Variants in RAPGEF4 observed in about 807,000 individuals in gnomAD.
RAPGEF4 encodes the protein RAP guanine-nucleotide-exchange factor (GEF) 4.
A neutral mutation model predicts 147.9 loss-of-function variants in RAPGEF4; 66 were observed. That is an observed-to-expected ratio of 0.45 (90% confidence interval 0.37 to 0.55). The LOEUF (loss-of-function observed/expected upper bound fraction) is 0.55. Ranked by LOEUF, RAPGEF4 falls within the 20% of genes least tolerant of loss-of-function variation. The probability of loss-of-function intolerance (pLI) is 0.00; values close to 1 mark genes in which losing one functional copy is unlikely to be tolerated. For synonymous variants in RAPGEF4, 419 were observed against 442.7 expected, an observed-to-expected ratio of 0.95 and a Z score of 0.67; for missense variants, 1,071 against 1,257.3, an observed-to-expected ratio of 0.85 and a Z score of 2.24.
intron 4 of RAPGEF4, among the ~76,000 whole-genome samples, chr2:172,842,208 A>G (rs908822973): frequency 6.6e-6 from 1 of 152,184 alleles, no homozygotes; most frequent in African/African-American, 2.4e-5. Flanking sequence ...TATGCATTCA[A>G]TGGCAGGTCT....
intron 1 of RAPGEF4, among the ~76,000 whole-genome samples, chr2:172,788,483 G>A (rs12474179): frequency 4.6e-5 from 7 of 152,158 alleles, no homozygotes; most frequent in Admixed American, 3.3e-4. Context: ...AAATTATGAT[G>A]AACTTAGCTG....
chr2:172,834,830 G>C (rs1690746355), intron 4 of RAPGEF4, among the ~76,000 whole-genome samples: 1 of 152,154 alleles, frequency 6.6e-6, no homozygotes. Context: ...CATCGAAATA[G>C]TCTTGAAAGA....
intron 3 of RAPGEF4, among the ~76,000 whole-genome samples, chr2:172,801,997 G>T (rs1273656166): frequency 6.6e-6 from 1 of 152,204 alleles, no homozygotes; most frequent in East Asian, 1.9e-4. Context: ...GGATTAGAGG[G>T]TGGGGTAGAT....
intron 8 of RAPGEF4, among the ~76,000 whole-genome samples, chr2:172,963,983 TG>T (rs1250130594): frequency 6.6e-6 from 1 of 152,228 alleles, no homozygotes; most frequent in African/African-American, 2.4e-5. Flanking sequence ...TTAAACCCTT[TG>T]TAAGGACTCA....
At chr2:172,836,934 G>T (rs374809449) in intron 4 of RAPGEF4, among the ~76,000 whole-genome samples, 2 of 152,212 alleles carry the variant, frequency 1.3e-5, no homozygotes, top group African/African-American at 4.8e-5. Context: ...AGAGATTTGT[G>T]AAGTGTTTGA....
At chr2:172,937,060 A>AAAAAAT (rs1686660410) in intron 6 of RAPGEF4, among the ~76,000 whole-genome samples, 1 of 149,452 alleles carries the variant, frequency 6.7e-6, no homozygotes, top group Non-Finnish European at 1.5e-5. Context: ...AAAAAAAAAA[A>AAAAAAT]GTCTTTTTTA....
At chr2:172,908,637 T>C (rs568098178) in intron 4 of RAPGEF4, among the ~76,000 whole-genome samples, 1 of 152,314 alleles carries the variant, frequency 6.6e-6, no homozygotes, top group African/African-American at 2.4e-5. Context: ...TAAACTCTTA[T>C]TTTTTAGGAT....
chr2:172,884,449 A>T (rs1332056874), intron 4 of RAPGEF4, among the ~76,000 whole-genome samples: 1 of 152,212 alleles, frequency 6.6e-6, no homozygotes. Flanking sequence ...ATTTGCCAGA[A>T]GATTCAGTTT....
intron 4 of RAPGEF4, among the ~76,000 whole-genome samples, chr2:172,905,363 T>TGGAGACCA (rs1699520324): frequency 6.6e-6 from 1 of 152,188 alleles, no homozygotes; most frequent in African/African-American, 2.4e-5. Flanking sequence ...CAGTCAATAT[T>TGGAGACCA]TGTTGACTGA....
In RAPGEF4 at chr2:173,036,063, AG is replaced by A. The variant is rs147786097; in HGVS notation, c.2701-60del. ...TGGGGTGAAAGGCAGGTGTATTAGG[AG>A]GTAACAAAGGGTGGTGTATCTGTCA... On this transcript the variant is annotated intron_variant, in intron 27 of 30. Coordinates refer to ENST00000397081, the MANE Select transcript of RAPGEF4 (RefSeq NM_007023.4). 3,445 of 1,206,180 alleles carry A rather than the reference AG, an allele frequency of 2.9e-3. 49 individuals carry two copies. The African/African-American group carries it at 0.041, about 14-fold the overall frequency. The allele number at this position is 1,206,180 out of a possible 1,614,324, so 74.7% of individuals were successfully genotyped here. A position where few individuals can be genotyped will look rare whatever the true frequency, so the allele number is the denominator to read the frequency against.
intron 6 of RAPGEF4, among the ~76,000 whole-genome samples, chr2:172,932,359 A>G (rs1686082422): frequency 6.6e-6 from 1 of 152,192 alleles, no homozygotes; most frequent in Admixed American, 6.5e-5. Context: ...CATACAGAAC[A>G]ATTGAGTTCC....
chr2:172,787,094 C>A (rs1427663320), intron 1 of RAPGEF4, among the ~76,000 whole-genome samples: 1 of 152,066 alleles, frequency 6.6e-6, no homozygotes, highest in Non-Finnish European at 1.5e-5. Context: ...CACCTGTAAT[C>A]CCAGCTACTT....
chr2:172,987,699 C>G (rs924924241), intron 12 of RAPGEF4, among the ~76,000 whole-genome samples: 1 of 152,226 alleles, frequency 6.6e-6, no homozygotes, highest in Admixed American at 6.5e-5. Flanking sequence ...TATGCAAATA[C>G]ACCACTTTAT....
intron 1 of RAPGEF4, among the ~76,000 whole-genome samples, chr2:172,743,653 G>A (rs1349886703): frequency 6.6e-6 from 1 of 152,164 alleles, no homozygotes; most frequent in African/African-American, 2.4e-5. Flanking sequence ...CTTCCTTCAG[G>A]TGAGGTGTCC....
At chr2:172,744,541 G>A in intron 1 of RAPGEF4, 1 of 357,544 alleles carries the variant, frequency 2.8e-6, no homozygotes, top group South Asian at 2.2e-5. Context: ...TTTTATTGAT[G>A]GTGTAATTTT....
Position 173,052,275 on chromosome 2 carries a change from C to G in RAPGEF4, c.*508C>G, listed in dbSNP as rs946793219. 6.5e-6 allele frequency: 1 copy of G among 152,926 alleles called. No individual in the cohort carries two copies. Among genetic ancestry groups the G allele is most frequent in the Non-Finnish European group, 1.5e-5 (1 of 68,264 alleles). The allele number at this position is 152,926 out of a possible 1,614,324, so 9.5% of individuals were successfully genotyped here. A position where few individuals can be genotyped will look rare whatever the true frequency, so the allele number is the denominator to read the frequency against. The stretch of plus-strand genomic sequence containing the variant: ...GTATTCTTCCATCTTCATTGTCTTA[C>G]CTCTGAAGGAATAGAACCTGACCAC... On this transcript the variant is annotated 3_prime_UTR_variant, in exon 31 of 31. Transcript: ENST00000397081.
At chr2:172,834,569 A>C (rs1574985950) in intron 4 of RAPGEF4, among the ~76,000 whole-genome samples, 1 of 152,174 alleles carries the variant, frequency 6.6e-6, no homozygotes. Flanking sequence ...TTGTAAATAA[A>C]TTTGTTTATT....
intron 1 of RAPGEF4, among the ~76,000 whole-genome samples, chr2:172,753,742 C>G (rs1453334778): frequency 6.6e-6 from 1 of 151,826 alleles, no homozygotes; most frequent in Non-Finnish European, 1.5e-5. Context: ...AGATGCTAAA[C>G]CAGATATCTG....
intron 3 of RAPGEF4, among the ~76,000 whole-genome samples, chr2:172,805,940 A>G (rs951246762): frequency 2.3e-4 from 35 of 152,164 alleles, no homozygotes; most frequent in Admixed American, 2.3e-3. Flanking sequence ...CATTGGGACA[A>G]GTTATAAGCA....
Sources: gnomAD v4.1 joint callset for allele counts (sites outside exome capture counted in the v4.1 genomes callset) on GRCh38, gnomAD v4.1.1 for gene constraint, MANE v1.5 for transcripts, NCBI Gene and HGNC (gene_info 2026-07-23, HGNC 2026-07-21) for gene names.